The following PIH1D1 variants were observed in gnomAD, a reference collection of about 807,000 sequenced individuals.
PIH1D1 encodes PIH1 domain containing 1.
In PIH1D1, 28 loss-of-function variants were observed where a neutral mutation model predicts 38.5. The ratio of observed to expected loss-of-function variants is 0.73; its 90% CI spans 0.54 to 1.00. The LOEUF (loss-of-function observed/expected upper bound fraction) is 1.00, where lower values mean the gene tolerates loss of function less well. Among genes scored for constraint, PIH1D1 ranks in the 50% least tolerant of loss-of-function variants. The pLI is 0.00. For synonymous variants in PIH1D1, 155 were observed against 153.5 expected, an observed-to-expected ratio of 1.01 and a Z score of -0.07; for missense variants, 343 against 369.9, an observed-to-expected ratio of 0.93 and a Z score of 0.60.
rs185372992 is a variant in PIH1D1, at chr19:49,448,947, C to A, written c.337+528G>T. 1,185 of 276,964 alleles carry A rather than the reference C, an allele frequency of 4.3e-3. 15 individuals are homozygous for A. The highest frequency in any genetic ancestry group is 0.024 in the African/African-American group (1,079 of 45,186). 17.2% of individuals were successfully genotyped at this position (276,964 alleles called of 1,614,324 possible). A position where few individuals can be genotyped will look rare whatever the true frequency, so the allele number is the denominator to read the frequency against. ...GTGGCTCACACCTGTAATCCCAGCA[C>A]TTTCGGAGGCTGAGGCGGTGGATCA... On this transcript the variant is annotated intron_variant, in intron 3 of 8. Coordinates refer to ENST00000262265, the MANE Select transcript of PIH1D1 (RefSeq NM_017916.3).
chr19:49,447,392 C>T lies in PIH1D1; in HGVS notation c.557G>A (p.Arg186Gln), dbSNP rs961067131. 26 of 1,613,536 alleles carry T rather than the reference C, an allele frequency of 1.6e-5. No homozygotes were observed. Among genetic ancestry groups the T allele is most frequent in the African/African-American group, 5.3e-5 (4 of 74,914 alleles). The change falls in exon 6 of 9, where the codon CGG becomes CAG. Residue 186 changes from arginine to glutamine, a missense_variant. By Grantham distance (43) the Arg-to-Gln change is conservative. Transcript: ENST00000262265. Reference protein sequence around the residue: ...QQNIRSEQRPRIQELGDLYTP... With the variant: ...QQNIRSEQRPQIQELGDLYTP... ...GTACAGGTCCCCCAGCTCCTGGATC[C>T]GAGGACGCTGCTCCGAGCGGATGTT...
rs754315723 is a variant in PIH1D1, at chr19:49,447,994, C to T, written c.399+7G>A. ...GCCCAGGCCTCAACCGCAGCCCCGC[C>T]CCCAACCTGCATCCTCCGGTAGAAG... On this transcript the variant is annotated splice_region_variant and intron_variant, in intron 4 of 8. Coordinates refer to ENST00000262265, the MANE Select transcript of PIH1D1 (RefSeq NM_017916.3). The T allele has an allele frequency of 1.2e-6, 2 of 1,614,188 alleles. No individual in the cohort carries two copies. Among genetic ancestry groups the T allele is most frequent in the South Asian group, 2.2e-5 (2 of 91,086 alleles).
chr19:49,448,068 G>A lies in PIH1D1; in HGVS notation c.338-6C>T. 1.2e-6 allele frequency: 2 copies of A among 1,614,078 alleles called. No individual in the cohort carries two copies. Among genetic ancestry groups the A allele is most frequent in the South Asian group, 1.1e-5 (1 of 91,074 alleles). On this transcript the variant is annotated splice_region_variant and splice_polypyrimidine_tract_variant and intron_variant, in intron 3 of 8. Transcript: ENST00000262265. ...GGCGGTACATCCCTGGCCTTCTGCG[G>A]GGAGAAAAAGGGGGTGAGGACCCCC...
chr19:49,447,551 C>T (rs753239209), intron 5 of PIH1D1, 84 bp from the exon 6 acceptor site: 18 of 1,523,342 alleles, frequency 1.2e-5, no homozygotes, highest in South Asian at 5.8e-5. Flanking sequence ...TAGGCTCCAC[C>T]GGCTCACCAG....
At chr19:49,450,677 A>AT in intron 2 of PIH1D1, 105 bp downstream of exon 2, 1 of 353,418 alleles carries the variant, frequency 2.8e-6, no homozygotes, top group South Asian at 2.5e-5. Flanking sequence ...GTGTCTGCTC[A>AT]CCCCACCCCC....
At chr19:49,450,200 C>T (rs2079050077) in intron 2 of PIH1D1, among the ~76,000 whole-genome samples, 1 of 152,184 alleles carries the variant, frequency 6.6e-6, no homozygotes, top group East Asian at 1.9e-4. Flanking sequence ...AAGTGAGCCT[C>T]CCACCTCAGC....
chr19:49,448,092 C>T (rs374613502), intron 3 of PIH1D1, 30 bp from the exon 4 acceptor site: 11 of 1,611,860 alleles, frequency 6.8e-6, no homozygotes, highest in African/African-American at 4.0e-5. Flanking sequence ...GTGAGGACCC[C>T]CCAGCCCTCT....
In PIH1D1 at chr19:49,451,679, AC is replaced by A; in HGVS notation, c.-106del. On this transcript the variant is annotated 5_prime_UTR_variant, in exon 1 of 9. Transcript: ENST00000262265. ...CTCTGGCCCTCAATCGACTCCGGATACCTACTATCCTGTTCAAAAACCTAAG... is the reference window on the plus strand; with the variant it reads ...CTCTGGCCCTCAATCGACTCCGGATACTACTATCCTGTTCAAAAACCTAAG... 6.6e-7 allele frequency: 1 copy of A among 1,526,706 alleles called. No individual in the cohort carries two copies. Among genetic ancestry groups the A allele is most frequent in the Non-Finnish European group, 8.8e-7 (1 of 1,141,462 alleles). 94.6% of individuals were successfully genotyped at this position (1,526,706 alleles called of 1,614,324 possible). A position where few individuals can be genotyped will look rare whatever the true frequency, so the allele number is the denominator to read the frequency against.
In PIH1D1 at chr19:49,446,333, A is replaced by C. The variant is rs377042581; in HGVS notation, c.*49T>G. The C allele has an allele frequency of 7.7e-6, 6 of 783,724 alleles. No homozygotes were observed. In the African/African-American group the frequency reaches 1.0e-4, roughly 13 times the overall value. 48.5% of individuals were successfully genotyped at this position (783,724 alleles called of 1,614,324 possible). On this transcript the variant is annotated 3_prime_UTR_variant, in exon 9 of 9. Coordinates refer to ENST00000262265, the MANE Select transcript of PIH1D1 (RefSeq NM_017916.3). The stretch of plus-strand genomic sequence containing the variant: ...AATCTTTTATTTCAACTTTTAGGGA[A>C]GCCAGCAGCCTCTTCTCCACATCTC...
chr19:49,447,211 A>C, intron 6 of PIH1D1, 112 bp from the exon 7 acceptor site: 1 of 1,494,360 alleles, frequency 6.7e-7, no homozygotes, highest in Non-Finnish European at 9.2e-7. Context: ...CTTCCCAGTC[A>C]GGAGTTCTCT....
intron 1 of PIH1D1, 152 bp from the exon 2 acceptor site, chr19:49,451,000 A>AACAACCCCAACCCCAT (rs1446825342): frequency 7.1e-7 from 1 of 1,399,218 alleles, no homozygotes; most frequent in Non-Finnish European, 9.7e-7. Flanking sequence ...GAACTAGAAG[A>AACAACCCCAACCCCAT]ACAACCCCAA....
Position 49,449,580 on chromosome 19 carries a change from G to C in PIH1D1, c.232C>G (p.Pro78Ala). The C allele has an allele frequency of 6.2e-7, 1 of 1,614,200 alleles. No homozygotes were observed. The highest frequency in any genetic ancestry group is 8.5e-7 in the Non-Finnish European group (1 of 1,180,038). Residue 78 changes from proline (P) to alanine (A), a missense_variant, in exon 3 of 9, where the codon CCC (proline) becomes GCC (alanine). Pro to Ala is a conservative substitution (Grantham distance 27). Transcript: ENST00000262265. ...NICHSPSIPPPADVTEEELLQ... is the reference protein window; with the variant it reads ...NICHSPSIPPAADVTEEELLQ... ...AGCTCCTCCTCGGTCACGTCGGCGG[G>C]AGGAGGGATAGAGGGGGAGTGGCAG... is the stretch of plus-strand genomic sequence containing the variant.
chr19:49,447,153 G>A (rs1456046276), intron 6 of PIH1D1, 54 bp from the exon 7 acceptor site: 5 of 1,528,368 alleles, frequency 3.3e-6, no homozygotes, highest in East Asian at 2.3e-5. Flanking sequence ...TTTGCCTGGC[G>A]TGCTGTCCCT....
At chr19:49,446,981 C>A in intron 7 of PIH1D1, 43 bp downstream of exon 7, 1 of 1,508,604 alleles carries the variant, frequency 6.6e-7, no homozygotes, top group East Asian at 2.2e-5. Context: ...CCTGACCTTT[C>A]CAGACCTCAT....
chr19:49,447,141 T>C (rs1360154099), intron 6 of PIH1D1, 42 bp from the exon 7 acceptor site: 1 of 1,555,326 alleles, frequency 6.4e-7, no homozygotes, highest in Admixed American at 1.8e-5. Flanking sequence ...AGCTGCCAGG[T>C]CTTTGCCTGG....
In PIH1D1 at chr19:49,446,393, C is replaced by T; in HGVS notation, c.862G>A (p.Val288Met). 1.2e-6 allele frequency: 1 copy of T among 845,568 alleles called. No homozygotes were observed. The allele number at this position is 845,568 out of a possible 1,614,324, so 52.4% of individuals were successfully genotyped here. ...QLMVAMPLLP[V>M]PS ...AGGAGACACCCTGATCAAGAAGGCACCGGCAGAAGCGGCATGGCCACCATT... is the reference window on the plus strand; with the variant it reads ...AGGAGACACCCTGATCAAGAAGGCATCGGCAGAAGCGGCATGGCCACCATT... Residue 288 changes from valine (V) to methionine (M), a missense_variant, in exon 9 of 9, where the codon GTG (valine) becomes ATG (methionine). Coordinates refer to ENST00000262265, the MANE Select transcript of PIH1D1 (RefSeq NM_017916.3).
At position 49,449,639 on chromosome 19, in the gene PIH1D1, G is replaced by T; in HGVS notation, c.173C>A (p.Thr58Asn). ...IQPQPGFCIK[T>N]NSSEGKVFIN... Reference sequence around the variant, plus strand: ...GAAAACCTTCCCTTCCGAGGAGTTGGTCTTTATGCAGAAACCTGGTGGGAG... The same window carrying T: ...GAAAACCTTCCCTTCCGAGGAGTTGTTCTTTATGCAGAAACCTGGTGGGAG... Residue 58 changes from threonine to asparagine, a missense_variant, in exon 3 of 9, where the codon ACC becomes AAC. Coordinates refer to ENST00000262265, the MANE Select transcript of PIH1D1 (RefSeq NM_017916.3). The T allele has an allele frequency of 6.2e-7, 1 of 1,613,814 alleles. No homozygotes were observed. Among genetic ancestry groups the T allele is most frequent in the Non-Finnish European group, 8.5e-7 (1 of 1,179,758 alleles).
At chr19:49,448,923 T>C (rs1270718431) in intron 3 of PIH1D1, 6 of 231,824 alleles carry the variant, frequency 2.6e-5, no homozygotes, top group African/African-American at 1.4e-4. Context: ...CTGGGTGCAG[T>C]GGCTCACACC....
rs746731284 is a variant in PIH1D1 at position 49,447,417 on chromosome 19, TCTGCTGC to T, written c.525_531del (p.Gln176ThrfsTer33). On this transcript the variant is annotated frameshift_variant, in exon 6 of 9. Transcript: ENST00000262265. LOFTEE classifies it high-confidence loss of function. ...CGAGGACGCTGCTCCGAGCGGATGT[TCTGCTGC>T]GAGATGGAGCCCATGAATGGCCGGT... The T allele has an allele frequency of 5.6e-6, 9 of 1,612,846 alleles. No individual in the cohort carries two copies. The African/African-American group carries it at 6.7e-5, about 12-fold the overall frequency.
Sources: gnomAD v4.1 joint callset for allele counts (sites outside exome capture counted in the v4.1 genomes callset) on GRCh38, gnomAD v4.1.1 for gene constraint, MANE v1.5 for transcripts, NCBI Gene and HGNC (gene_info 2026-07-23, HGNC 2026-07-21) for gene names.